OR11A1: variants seen among roughly 807,000 people sequenced by gnomAD.
OR11A1 encodes the protein olfactory receptor 11A1.
For synonymous variants in OR11A1, 158 were observed against 152.2 expected, an observed-to-expected ratio of 1.04 and a Z score of -0.28; for missense variants, 380 against 378.2, an observed-to-expected ratio of 1.00 and a Z score of -0.04.
chr6:29,433,992 T>G (rs907265105), intron 1 of OR11A1, among the ~76,000 whole-genome samples: 1 of 152,178 alleles, frequency 6.6e-6, no homozygotes, highest in Non-Finnish European at 1.5e-5. Flanking sequence ...TCTATTCAGG[T>G]GCTTAGCTCA....
intron 1 of OR11A1, among the ~76,000 whole-genome samples, chr6:29,436,219 G>A (rs1362103604): frequency 6.6e-6 from 1 of 152,138 alleles, no homozygotes; most frequent in Non-Finnish European, 1.5e-5. Context: ...CTGTCCTCTT[G>A]TTTCAGCTAT....
intron 4 of OR11A1, chr6:29,428,440 T>C (rs7757269): frequency 0.014 from 14,095 of 981,914 alleles, 534 homozygotes; most frequent in African/African-American, 0.13. Flanking sequence ...GCAAGTAGGC[T>C]AAGTTTTGAG....
chr6:29,443,482 G>C (rs1348418436), intron 1 of OR11A1, among the ~76,000 whole-genome samples: 1 of 152,100 alleles, frequency 6.6e-6, no homozygotes, highest in East Asian at 1.9e-4. Flanking sequence ...GTATAGATAT[G>C]ACATAATTTG....
chr6:29,439,962 T>C, intron 1 of OR11A1: 2 of 1,412,782 alleles, frequency 1.4e-6, no homozygotes, highest in South Asian at 1.3e-5. Flanking sequence ...ATTCCATAGT[T>C]GTGATTTTTC....
intron 1 of OR11A1, among the ~76,000 whole-genome samples, chr6:29,454,998 T>C (rs1424618652): frequency 6.6e-6 from 1 of 151,958 alleles, no homozygotes; most frequent in Non-Finnish European, 1.5e-5. Context: ...GACTCCTATA[T>C]CACAACATAC....
chr6:29,441,331 G>C (rs115259539), intron 1 of OR11A1, among the ~76,000 whole-genome samples: 1,900 of 152,238 alleles, frequency 0.012, 40 homozygotes, highest in African/African-American at 0.038. Flanking sequence ...TAAGGCATTT[G>C]TTTCTTGGGT....
chr6:29,439,055 G>C (rs1783877750), intron 1 of OR11A1, among the ~76,000 whole-genome samples: 1 of 152,170 alleles, frequency 6.6e-6, no homozygotes, highest in African/African-American at 2.4e-5. Flanking sequence ...ATATATTCAA[G>C]TGTATCTTTG....
intron 2 of OR11A1, 101 bp from the exon 3 acceptor site, chr6:29,430,526 G>A (rs1783157020): frequency 2.1e-5 from 15 of 731,680 alleles, no homozygotes; most frequent in Non-Finnish European, 2.2e-5. Context: ...TATCATTGGA[G>A]CTGGAGGCTA....
At position 29,453,806 on chromosome 6, in the gene OR11A1, A is replaced by G. The variant is rs908854668; in HGVS notation, c.-389+3181T>C. ...ATGAAGTAAAATCCAAGACAAACTTAAAAGCTCTCTGAATTTGAATATGGT... is the reference window on the plus strand; with the variant it reads ...ATGAAGTAAAATCCAAGACAAACTTGAAAGCTCTCTGAATTTGAATATGGT... On this transcript the variant is annotated intron_variant, in intron 1 of 4. Coordinates refer to ENST00000377149, the MANE Select transcript of OR11A1 (RefSeq NM_001394828.1). The surrounding 1 kb of genome is among the most constrained non-coding windows in gnomAD (Gnocchi z 4.5). 6.6e-6 allele frequency among the ~76,000 whole-genome samples: 1 copy of G among 152,220 alleles called. No homozygotes were observed. The highest frequency in any genetic ancestry group is 2.4e-5 in the African/African-American group (1 of 41,470).
At chr6:29,447,141 A>G (rs934440309) in intron 1 of OR11A1, among the ~76,000 whole-genome samples, 6 of 152,194 alleles carry the variant, frequency 3.9e-5, no homozygotes, top group Admixed American at 2.6e-4. Flanking sequence ...TCCGACCCCA[A>G]TAAGATCCTG....
In OR11A1 at chr6:29,453,276, C is replaced by T. The variant is rs1270001555; in HGVS notation, c.-389+3711G>A. Among the ~76,000 whole-genome samples, 1 of 151,464 alleles carries T rather than the reference C, an allele frequency of 6.6e-6. No homozygotes were observed. The highest frequency in any genetic ancestry group is 6.6e-5 in the Admixed American group (1 of 15,186). ...GAGGACAGCAAATCCTTCCTTCCTC[C>T]ACCTCACAAATAAATTATAAAACCA... is the stretch of plus-strand genomic sequence containing the variant. On this transcript the variant is annotated intron_variant, in intron 1 of 4. Coordinates refer to ENST00000377149, the MANE Select transcript of OR11A1 (RefSeq NM_001394828.1). This position sits in a 1 kb window ranked among gnomAD's most constrained non-coding sequence, Gnocchi z 4.5.
At chr6:29,451,727 A>G (rs1234126394) in intron 1 of OR11A1, among the ~76,000 whole-genome samples, 2 of 152,234 alleles carry the variant, frequency 1.3e-5, no homozygotes, top group Admixed American at 1.3e-4. Flanking sequence ...ACTGCTGCTG[A>G]GAATGTATGT....
chr6:29,453,181 GAAAT>G lies in OR11A1; in HGVS notation c.-389+3802_-389+3805del, dbSNP rs1292979228. ...AAAATAAAATTATAATATAAATTAT[GAAAT>G]AAATAATAAATATAAATTAATATAT... On this transcript the variant is annotated intron_variant, in intron 1 of 4. Coordinates refer to ENST00000377149, the MANE Select transcript of OR11A1 (RefSeq NM_001394828.1). This position sits in a 1 kb window ranked among gnomAD's most constrained non-coding sequence, Gnocchi z 4.5. Among the ~76,000 whole-genome samples the G allele has an allele frequency of 2.0e-5, 3 of 148,148 alleles. No individual in the cohort carries two copies.
intron 1 of OR11A1, among the ~76,000 whole-genome samples, chr6:29,443,044 A>G (rs1000277325): frequency 1.3e-5 from 2 of 151,982 alleles, no homozygotes; most frequent in African/African-American, 4.8e-5. Flanking sequence ...CAGAGGGATC[A>G]TTTTTCTCAT....
intron 1 of OR11A1, among the ~76,000 whole-genome samples, chr6:29,438,195 C>A (rs1051388734): frequency 6.6e-6 from 1 of 151,980 alleles, no homozygotes; most frequent in Non-Finnish European, 1.5e-5. Context: ...CAGCTTTTAT[C>A]ACATCTATGA....
chr6:29,439,808 C>T (rs1783948726), intron 1 of OR11A1: 1 of 588,620 alleles, frequency 1.7e-6, no homozygotes, highest in Admixed American at 3.0e-5. Flanking sequence ...GACAAATACT[C>T]ATCCAGGATC....
chr6:29,439,819 C>T, intron 1 of OR11A1: 1 of 596,532 alleles, frequency 1.7e-6, no homozygotes, highest in Non-Finnish European at 3.0e-6. Context: ...ATCCAGGATC[C>T]CAAGAGTGAG....
chr6:29,445,700 C>G (rs61224854), intron 1 of OR11A1, among the ~76,000 whole-genome samples: 14,850 of 152,088 alleles, frequency 0.098, 1,348 homozygotes, highest in African/African-American at 0.24. Context: ...GAGCCTAGCA[C>G]GTGGGGATCT....
chr6:29,427,387 C>T lies in OR11A1; in HGVS notation c.255G>A (p.Glu85=). The change falls in exon 5 of 5, where the codon GAG becomes GAA. Residue 85 remains glutamate (E), a synonymous_variant. Transcript: ENST00000377149. ...YTSAVMPKML[E]GFLQEATISV... ...AGATAGTTGCTTCTTGCAGGAAGCCCTCCAGCATTTTTGGCATCACTGCGG... is the reference window on the plus strand; with the variant it reads ...AGATAGTTGCTTCTTGCAGGAAGCCTTCCAGCATTTTTGGCATCACTGCGG... 3 of 1,613,068 alleles carry T rather than the reference C, an allele frequency of 1.9e-6. No homozygotes were observed. The highest frequency in any genetic ancestry group is 2.5e-6 in the Non-Finnish European group (3 of 1,180,016).
Sources: allele counts gnomAD v4.1 joint callset (sites outside exome capture counted in the v4.1 genomes callset), GRCh38; gene constraint gnomAD v4.1.1; non-coding constraint Gnocchi (gnomAD v3.1); transcripts MANE v1.5; gene names NCBI Gene and HGNC (gene_info 2026-07-23, HGNC 2026-07-21).